DNHD1: variants seen among roughly 807,000 people sequenced by gnomAD.
The protein encoded by DNHD1 is dynein heavy chain domain-containing protein 1.
A neutral mutation model predicts 458.1 loss-of-function variants in DNHD1; 383 were observed. The ratio of observed to expected loss-of-function variants is 0.84; its 90% CI spans 0.77 to 0.91. The LOEUF (loss-of-function observed/expected upper bound fraction) is 0.91, where lower values mean the gene tolerates loss of function less well. DNHD1 is among the 40% of genes least tolerant of loss of function. DNHD1 has a pLI of 0.00. For missense variants in DNHD1, 5,336 were observed against 5,866.1 expected, an observed-to-expected ratio of 0.91 and a Z score of 2.95; for synonymous variants, 2,203 against 2,376.9, an observed-to-expected ratio of 0.93 and a Z score of 2.13.
Position 6,557,503 on chromosome 11 carries a change from T to A in DNHD1, c.8208T>A (p.Leu2736=), listed in dbSNP as rs781004593. 81 of 1,551,694 alleles carry A rather than the reference T, an allele frequency of 5.2e-5. No individual in the cohort carries two copies. The Middle Eastern group carries it at 1.3e-3, about 26-fold the overall frequency. ...AGGAGGAAGAGGAACCTTATGGCCT[T>A]CAGGTCGCCAGAGTCTCAAACTCCA... The part of the protein sequence containing the change: ...ETEEEEEPYG[L]QVARVSNSRD... Residue 2736 remains leucine, a synonymous_variant, in exon 25 of 43, where the codon CTT becomes CTA. Transcript: ENST00000254579.
Position 6,556,897 on chromosome 11 carries a change from C to A in DNHD1, c.7602C>A (p.Thr2534=), listed in dbSNP as rs1459341546. ...CCCTGGAAAGCATGACCCAGGCCAC[C>A]CTGCTGGAAAGACATGTGCCTATCA... ...VLALESMTQA[T]LLERHVPIIQ... Residue 2534 remains threonine (T), a synonymous_variant, in exon 25 of 43, where the codon ACC becomes ACA. Transcript: ENST00000254579. The A allele has an allele frequency of 6.4e-7, 1 of 1,551,702 alleles. No homozygotes were observed. Among genetic ancestry groups the A allele is most frequent in the African/African-American group, 1.4e-5 (1 of 73,166 alleles).
intron 24 of DNHD1, among the ~76,000 whole-genome samples, 157 bp from the exon 25 acceptor site, chr11:6,556,526 G>T (rs919266625): frequency 3.3e-5 from 5 of 152,214 alleles, no homozygotes; most frequent in South Asian, 4.1e-4. Context: ...GGGAGAATGT[G>T]GGGGAGGGAG....
At chr11:6,499,992 T>C (rs1012162129) in intron 3 of DNHD1, among the ~76,000 whole-genome samples, 6 of 148,008 alleles carry the variant, frequency 4.1e-5, no homozygotes, top group African/African-American at 1.5e-4. Context: ...TGAAACAGAG[T>C]CTCACTCTGT....
rs1439306848 is a variant in DNHD1, at chr11:6,505,784, A to C, written c.920+2858A>C. Among the ~76,000 whole-genome samples the C allele has an allele frequency of 6.6e-6, 1 of 152,218 alleles. No individual in the cohort carries two copies. The highest frequency in any genetic ancestry group is 1.5e-5 in the Non-Finnish European group (1 of 68,038). On this transcript the variant is annotated intron_variant, in intron 4 of 42. Coordinates refer to ENST00000254579, the MANE Select transcript of DNHD1 (RefSeq NM_144666.3). The surrounding 1 kb of genome is among the most constrained non-coding windows in gnomAD (Gnocchi z 4.4). ...ATAGGATACTAGTAATCCATGACAC[A>C]CAGTGGCATCACAATTAATTAAATT...
At chr11:6,518,367 A>T (rs1852535088) in intron 7 of DNHD1, among the ~76,000 whole-genome samples, 1 of 151,952 alleles carries the variant, frequency 6.6e-6, no homozygotes, top group Non-Finnish European at 1.5e-5. Flanking sequence ...CATCCTAAAC[A>T]TTTTTTTCAC....
chr11:6,526,470 G>T (rs1325340407), intron 10 of DNHD1, among the ~76,000 whole-genome samples: 1 of 151,970 alleles, frequency 6.6e-6, no homozygotes, highest in African/African-American at 2.4e-5. Context: ...TAAAAGCTTG[G>T]TATGGGGTTT....
Position 6,547,331 on chromosome 11 carries a change from C to T in DNHD1, c.6392C>T (p.Thr2131Ile). 1 of 1,551,806 alleles carries T rather than the reference C, an allele frequency of 6.4e-7. No individual in the cohort carries two copies. The highest frequency in any genetic ancestry group is 8.7e-7 in the Non-Finnish European group (1 of 1,147,010). ...TTTCTCTTGATGGAGGTGGCTGACA[C>T]AACAGGCATATCCCCCACAGTGGTA... ...GTFLLMEVADTTGISPTVVGC... is the reference protein window; with the variant it reads ...GTFLLMEVADITGISPTVVGC... Residue 2131 changes from threonine (T) to isoleucine (I), a missense_variant, in exon 21 of 43, where the codon ACA (threonine) becomes ATA (isoleucine). Transcript: ENST00000254579.
Position 6,545,774 on chromosome 11 carries a change from C to T in DNHD1, c.4835C>T (p.Pro1612Leu). ...VRQLKYHLGSPHIIPKSPLQS... is the reference protein window; with the variant it reads ...VRQLKYHLGSLHIIPKSPLQS... Reference sequence around the variant, plus strand: ...CAACTCAAGTATCACTTGGGTTCACCTCACATAATCCCCAAAAGCCCCCTA... The same window carrying T: ...CAACTCAAGTATCACTTGGGTTCACTTCACATAATCCCCAAAAGCCCCCTA... The change falls in exon 21 of 43, where the codon CCT becomes CTT. Residue 1612 changes from proline to leucine, a missense_variant. Physicochemically the swap from Pro to Leu is moderately conservative, Grantham distance 98. Coordinates refer to ENST00000254579, the MANE Select transcript of DNHD1 (RefSeq NM_144666.3). The surrounding 1 kb of genome is among the most constrained non-coding windows in gnomAD (Gnocchi z 4.9). 6.4e-7 allele frequency: 1 copy of T among 1,551,800 alleles called. No individual in the cohort carries two copies. Among genetic ancestry groups the T allele is most frequent in the Non-Finnish European group, 8.7e-7 (1 of 1,147,026 alleles).
chr11:6,508,568 A>G (rs1377535855), intron 4 of DNHD1: 1 of 261,888 alleles, frequency 3.8e-6, no homozygotes, highest in African/African-American at 2.2e-5. Flanking sequence ...TCATAAGATA[A>G]TGCTGCAGCT....
Position 6,567,718 on chromosome 11 carries a change from A to G in DNHD1, c.12209A>G (p.Glu4070Gly). ...AGCCTCCTGGGTCGGCCCCTGGATGAAAACACGTATGCTCCCACCATGCCC... is the reference window on the plus strand; with the variant it reads ...AGCCTCCTGGGTCGGCCCCTGGATGGAAACACGTATGCTCCCACCATGCCC... ...TTSLLGRPLD[E>G]NTYAPTMPFK... The change falls in exon 36 of 43, where the codon GAA becomes GGA. Residue 4070 changes from glutamate (E) to glycine (G), a missense_variant. Glu to Gly is a moderately conservative substitution (Grantham distance 98). Coordinates refer to ENST00000254579, the MANE Select transcript of DNHD1 (RefSeq NM_144666.3). 1 of 1,613,884 alleles carries G rather than the reference A, an allele frequency of 6.2e-7. No homozygotes were observed. The highest frequency in any genetic ancestry group is 8.5e-7 in the Non-Finnish European group (1 of 1,179,886).
Position 6,566,524 on chromosome 11 carries a change from GTCTAC to G in DNHD1, c.11207-57_11207-53del, listed in dbSNP as rs1853703287. The G allele has an allele frequency of 5.0e-6, 8 of 1,585,088 alleles. No homozygotes were observed. In the Admixed American group the frequency reaches 9.0e-5, roughly 18 times the overall value. On this transcript the variant is annotated intron_variant, in intron 34 of 42. Coordinates refer to ENST00000254579, the MANE Select transcript of DNHD1 (RefSeq NM_144666.3). The stretch of plus-strand genomic sequence containing the variant: ...TCTATAGCAGGGAGCCATACTCCCT[GTCTAC>G]TCTACCCCCTGGCTCTGCCAAGGGG...
intron 14 of DNHD1, among the ~76,000 whole-genome samples, chr11:6,537,698 C>T (rs1424938861): frequency 2.6e-5 from 4 of 152,058 alleles, no homozygotes; most frequent in South Asian, 2.1e-4. Flanking sequence ...TTTGGGAGGC[C>T]GAGGCGGGCG....
chr11:6,515,856 C>T (rs1189840387), intron 7 of DNHD1, among the ~76,000 whole-genome samples: 1 of 140,182 alleles, frequency 7.1e-6, no homozygotes, highest in African/African-American at 2.7e-5. Context: ...ATGATTTTGG[C>T]TTACTGCAAC....
chr11:6,547,807 T>TCACCTTC (rs1346376959), intron 21 of DNHD1, 56 bp from the exon 22 acceptor site: 4 of 1,542,648 alleles, frequency 2.6e-6, no homozygotes, highest in Non-Finnish European at 3.5e-6. Context: ...TTTCTTTCTT[T>TCACCTTC]CACCTTCCAC....
chr11:6,570,496 G>T (rs1285305549), intron 41 of DNHD1, 100 bp downstream of exon 41: 37 of 1,485,370 alleles, frequency 2.5e-5, no homozygotes, highest in African/African-American at 4.2e-5. Flanking sequence ...AGGTATATGA[G>T]GGGGTAATAT....
In DNHD1 at chr11:6,548,188, G is replaced by A. The variant is rs1405051971; in HGVS notation, c.6906-22G>A. 9 of 1,550,222 alleles carry A rather than the reference G, an allele frequency of 5.8e-6. No individual in the cohort carries two copies. Among genetic ancestry groups the A allele is most frequent in the Non-Finnish European group, 7.0e-6 (8 of 1,145,872 alleles). On this transcript the variant is annotated intron_variant, in intron 22 of 42. Coordinates refer to ENST00000254579, the MANE Select transcript of DNHD1 (RefSeq NM_144666.3). The surrounding 1 kb of genome is among the most constrained non-coding windows in gnomAD (Gnocchi z 4.4). ...AGTGTTGTAACTGTCTGACGCTTTT[G>A]CCTGTGTGTCCATCTGAGCAGGTTC... is the stretch of plus-strand genomic sequence containing the variant.
chr11:6,568,084 TG>T lies in DNHD1; in HGVS notation c.12383del (p.Gly4128AlafsTer32). 6.3e-7 allele frequency: 1 copy of T among 1,577,378 alleles called. No homozygotes were observed. Among genetic ancestry groups the T allele is most frequent in the Non-Finnish European group, 8.6e-7 (1 of 1,160,648 alleles). On this transcript the variant is annotated frameshift_variant, in exon 37 of 43. Transcript: ENST00000254579. LOFTEE classifies it high-confidence loss of function. ...QGQKQLQVIA[L>X]GSEAWDPVSV... ...CAGAAGCAACTGCAGGTGATAGCCC[TG>T]GGCTCTGAAGCCTGGGACCCAGTCT... is the stretch of plus-strand genomic sequence containing the variant.
chr11:6,557,422 A>G lies in DNHD1; in HGVS notation c.8127A>G (p.Glu2709=). The change falls in exon 25 of 43, where the codon GAA becomes GAG. Residue 2709 remains glutamate (E), a synonymous_variant. Transcript: ENST00000254579. ...AGGAGGAGAGGGTGCCCGAAGTAGA[A>G]TCTGAAGGGGAGTTGGCCCAGTGGG... ...EEEEERVPEV[E]SEGELAQWED... 6.4e-7 allele frequency: 1 copy of G among 1,551,386 alleles called. No individual in the cohort carries two copies.
At chr11:6,523,157 C>T (rs966039765) in intron 10 of DNHD1, among the ~76,000 whole-genome samples, 4 of 152,212 alleles carry the variant, frequency 2.6e-5, no homozygotes, top group Non-Finnish European at 5.9e-5. Flanking sequence ...AAATCTGTTA[C>T]ACTGAAAAGA....
Sources: allele counts gnomAD v4.1 joint callset (sites outside exome capture counted in the v4.1 genomes callset), GRCh38; gene constraint gnomAD v4.1.1; non-coding constraint Gnocchi (gnomAD v3.1); transcripts MANE v1.5; gene names NCBI Gene and HGNC (gene_info 2026-07-23, HGNC 2026-07-21).